Variants in RNLS observed in about 807,000 individuals in gnomAD.
RNLS encodes the protein renalase, FAD dependent amine oxidase, also known as renalase.
In RNLS, 39 loss-of-function variants were observed where a neutral mutation model predicts 39.8. The observed-to-expected ratio is 0.98, with a 90% CI of 0.76 to 1.28. The LOEUF is 1.28. Ranked by LOEUF, RNLS falls within the 50% of genes most tolerant of loss-of-function variation. RNLS has a pLI of 0.00. For missense variants in RNLS, 410 were observed against 413.3 expected, an observed-to-expected ratio of 0.99 and a Z score of 0.07; for synonymous variants, 147 against 150.7, an observed-to-expected ratio of 0.98 and a Z score of 0.18.
At chr10:88,567,515 T>C (rs1215323438) in intron 4 of RNLS, among the ~76,000 whole-genome samples, 2 of 152,208 alleles carry the variant, frequency 1.3e-5, no homozygotes, top group Non-Finnish European at 2.9e-5. Flanking sequence ...TTATAAAATG[T>C]TATAGTATGT....
At chr10:88,340,304 T>C (rs1316375550) in intron 5 of RNLS, among the ~76,000 whole-genome samples, 3 of 152,218 alleles carry the variant, frequency 2.0e-5, no homozygotes, top group African/African-American at 7.2e-5. Context: ...TTCCTCTCCA[T>C]CATTTTTTAG....
the RNLS span, among the ~76,000 whole-genome samples, chr10:88,183,905 A>T: frequency 6.6e-6 from 1 of 152,136 alleles, no homozygotes; most frequent in Non-Finnish European, 1.5e-5. Flanking sequence ...GATCAACTAG[A>T]GAGAAGTCAT....
intron 4 of RNLS, among the ~76,000 whole-genome samples, chr10:88,406,828 G>A: frequency 6.6e-6 from 1 of 151,986 alleles, no homozygotes; most frequent in Non-Finnish European, 1.5e-5. Flanking sequence ...TCAACAAGTG[G>A]ATAAAGAAAC....
the RNLS span, among the ~76,000 whole-genome samples, chr10:88,199,153 G>C: frequency 1.3e-5 from 2 of 152,298 alleles, no homozygotes; most frequent in South Asian, 4.1e-4. Flanking sequence ...GAAGTGGTTA[G>C]GGGTTCATGC....
chr10:88,259,660 A>G, the RNLS span, among the ~76,000 whole-genome samples: 1 of 152,204 alleles, frequency 6.6e-6, no homozygotes, highest in South Asian at 2.1e-4. Flanking sequence ...TAGAACATGC[A>G]AATTTTTTCC....
chr10:88,414,682 T>C, intron 4 of RNLS, among the ~76,000 whole-genome samples: 1 of 152,332 alleles, frequency 6.6e-6, no homozygotes, highest in East Asian at 1.9e-4. Flanking sequence ...ATATATAAGA[T>C]GGGAGTTGGA....
At chr10:88,484,229 T>C (rs1230755418) in intron 4 of RNLS, among the ~76,000 whole-genome samples, 1 of 152,096 alleles carries the variant, frequency 6.6e-6, no homozygotes, top group African/African-American at 2.4e-5. Flanking sequence ...ACCAACTTTA[T>C]TAGATAATTT....
intron 4 of RNLS, among the ~76,000 whole-genome samples, chr10:88,459,669 C>T (rs1842834773): frequency 1.3e-5 from 2 of 152,126 alleles, no homozygotes; most frequent in Non-Finnish European, 2.9e-5. Context: ...TGTTTCCCTT[C>T]CACTGCTTGG....
intron 4 of RNLS, among the ~76,000 whole-genome samples, chr10:88,474,471 A>G (rs748738474): frequency 6.6e-6 from 1 of 152,132 alleles, no homozygotes; most frequent in Admixed American, 6.5e-5. Flanking sequence ...TATTCCCACA[A>G]CCAAATACCT....
At chr10:88,195,167 T>C in the RNLS span, among the ~76,000 whole-genome samples, 1 of 152,318 alleles carries the variant, frequency 6.6e-6, no homozygotes, top group Non-Finnish European at 1.5e-5. Context: ...TGAGATATTT[T>C]TGAGACTTAA....
the RNLS span, among the ~76,000 whole-genome samples, chr10:88,246,629 T>C: frequency 6.6e-6 from 1 of 152,178 alleles, no homozygotes; most frequent in African/African-American, 2.4e-5. Flanking sequence ...CGCTTTTTTT[T>C]CCTTCCCGTT....
chr10:88,407,310 C>T (rs112879895), intron 4 of RNLS, among the ~76,000 whole-genome samples: 25 of 151,952 alleles, frequency 1.6e-4, no homozygotes, highest in African/African-American at 5.5e-4. Flanking sequence ...TAGTCCCTAT[C>T]CTCATGAAAA....
intron 6 of RNLS, among the ~76,000 whole-genome samples, chr10:88,313,465 G>C (rs530336802): frequency 2.3e-4 from 35 of 152,156 alleles, no homozygotes; most frequent in Admixed American, 1.0e-3. Context: ...CTTCTAAAGT[G>C]ACCATGACAT....
the RNLS span, among the ~76,000 whole-genome samples, chr10:88,248,882 T>C: frequency 6.6e-6 from 1 of 152,222 alleles, no homozygotes; most frequent in African/African-American, 2.4e-5. Flanking sequence ...GGAGAGTTAA[T>C]TGAAGTTTCC....
At chr10:88,457,153 G>A (rs189560083) in intron 4 of RNLS, among the ~76,000 whole-genome samples, 1 of 152,136 alleles carries the variant, frequency 6.6e-6, no homozygotes, top group African/African-American at 2.4e-5. Flanking sequence ...TTTTCATTTG[G>A]TGGTGTGGCA....
rs185516686 is a variant in RNLS, at chr10:88,490,899, T to C, written c.526+82004A>G. On this transcript the variant is annotated intron_variant, in intron 4 of 6. Transcript: ENST00000331772. ...TTCTTTGTTATTGGATAAAAATAAA[T>C]TAACATAGACTATCAATTTATATAC... Among the ~76,000 whole-genome samples, 33 of 152,296 alleles carry C rather than the reference T, an allele frequency of 2.2e-4. No individual in the cohort carries two copies. The East Asian group carries it at 6.0e-3, about 28-fold the overall frequency.
chr10:88,389,060 T>C (rs1490644687), intron 4 of RNLS, among the ~76,000 whole-genome samples: 1 of 152,152 alleles, frequency 6.6e-6, no homozygotes, highest in Non-Finnish European at 1.5e-5. Context: ...GGGAGTTCTA[T>C]GGAATCTTGC....
At chr10:88,178,473 G>T in the RNLS span, among the ~76,000 whole-genome samples, 1 of 152,132 alleles carries the variant, frequency 6.6e-6, no homozygotes, top group South Asian at 2.1e-4. Flanking sequence ...AGTTATGATT[G>T]TAGGTATCTG....
the RNLS span, among the ~76,000 whole-genome samples, chr10:88,256,769 T>C: frequency 6.6e-6 from 1 of 152,164 alleles, no homozygotes; most frequent in Non-Finnish European, 1.5e-5. Flanking sequence ...GTCCCGAAAA[T>C]GAATATGATT....
Sources: gnomAD v4.1 joint callset for allele counts (sites outside exome capture counted in the v4.1 genomes callset) on GRCh38, gnomAD v4.1.1 for gene constraint, MANE v1.5 for transcripts, NCBI Gene and HGNC (gene_info 2026-07-23, HGNC 2026-07-21) for gene names.